Variants in LRP1B observed in about 807,000 individuals in gnomAD.
The protein encoded by LRP1B is low-density lipoprotein receptor-related protein 1B.
LRP1B carries 217 observed loss-of-function variants against 556.6 expected under a neutral mutation model. That is an observed-to-expected ratio of 0.39 (90% CI 0.35 to 0.44). The LOEUF (loss-of-function observed/expected upper bound fraction) is 0.44, where lower values mean the gene tolerates loss of function less well. LRP1B is among the 20% of genes least tolerant of loss of function. The probability of loss-of-function intolerance (pLI) is 1.00; values close to 1 mark genes in which losing one functional copy is unlikely to be tolerated. For synonymous variants in LRP1B, 2,047 were observed against 1,865.8 expected (o/e 1.10, Z -2.50); for missense variants, 5,053 against 5,620.8 (o/e 0.90, Z 3.23).
intron 56 of LRP1B, among the ~76,000 whole-genome samples, chr2:140,494,691 A>C (rs968025571): frequency 5.3e-5 from 8 of 152,030 alleles, no homozygotes; most frequent in African/African-American, 1.7e-4. Flanking sequence ...TGGAATGAAA[A>C]ATTGAAAGGA....
intron 23 of LRP1B, among the ~76,000 whole-genome samples, chr2:140,899,407 G>A (rs1694039973): frequency 6.6e-6 from 1 of 152,140 alleles, no homozygotes; most frequent in Non-Finnish European, 1.5e-5. Flanking sequence ...GAAACCAGTA[G>A]CTAGCTGCTA....
At chr2:141,728,131 A>C (rs180889345) in intron 2 of LRP1B, among the ~76,000 whole-genome samples, 128 of 152,310 alleles carry the variant, frequency 8.4e-4, no homozygotes, top group Non-Finnish European at 1.5e-3. Flanking sequence ...AAAATAAGGA[A>C]GAGGAACTTG....
chr2:140,584,636 A>G (rs775725714), intron 43 of LRP1B, among the ~76,000 whole-genome samples: 16 of 152,074 alleles, frequency 1.1e-4, no homozygotes, highest in Non-Finnish European at 2.2e-4. Flanking sequence ...CTAGATACTG[A>G]CCATTATTCT....
chr2:140,480,425 A>G (rs1688182834), intron 59 of LRP1B, among the ~76,000 whole-genome samples: 1 of 152,116 alleles, frequency 6.6e-6, no homozygotes, highest in Non-Finnish European at 1.5e-5. Flanking sequence ...AATTCAAAAC[A>G]TGACCTACTA....
Position 142,001,064 on chromosome 2 carries a change from G to A in LRP1B, c.82+129584C>T, listed in dbSNP as rs552025894. 9.2e-5 allele frequency among the ~76,000 whole-genome samples: 14 copies of A among 152,176 alleles called. No individual in the cohort carries two copies. In the South Asian group the frequency reaches 2.9e-3, roughly 32 times the overall value. On this transcript the variant is annotated intron_variant, in intron 1 of 90. Coordinates refer to ENST00000389484, the MANE Select transcript of LRP1B (RefSeq NM_018557.3). ...TATAAAGGGTTTCCCCTTTTGCTTGGCTCTTGTTCTCTCTTGCCTGCCTAC... is the reference window on the plus strand; with the variant it reads ...TATAAAGGGTTTCCCCTTTTGCTTGACTCTTGTTCTCTCTTGCCTGCCTAC...
chr2:141,165,309 G>C (rs373904604), intron 7 of LRP1B, among the ~76,000 whole-genome samples: 11 of 150,018 alleles, frequency 7.3e-5, no homozygotes, highest in African/African-American at 2.7e-4. Context: ...CAATATACTA[G>C]GTTGCACTTC....
chr2:140,689,150 A>G (rs1686152175), intron 41 of LRP1B, among the ~76,000 whole-genome samples: 1 of 152,232 alleles, frequency 6.6e-6, no homozygotes, highest in Admixed American at 6.5e-5. Flanking sequence ...TTCATATTCT[A>G]TATATGAGTC....
intron 3 of LRP1B, among the ~76,000 whole-genome samples, chr2:141,341,533 A>G (rs1233182031): frequency 6.6e-6 from 1 of 152,172 alleles, no homozygotes; most frequent in East Asian, 1.9e-4. Flanking sequence ...TCAATTTAAT[A>G]CACTTCTCTT....
intron 58 of LRP1B, among the ~76,000 whole-genome samples, chr2:140,487,313 G>A (rs1174487643): frequency 2.0e-5 from 3 of 151,896 alleles, no homozygotes; most frequent in African/African-American, 7.2e-5. Flanking sequence ...GAATTGAATT[G>A]CAGGCACTAA....
chr2:142,078,740 GT>G (rs1208538652), intron 1 of LRP1B, among the ~76,000 whole-genome samples: 1 of 152,068 alleles, frequency 6.6e-6, no homozygotes, highest in East Asian at 1.9e-4. Flanking sequence ...GGAATCCACT[GT>G]TTTGTATAAC....
intron 5 of LRP1B, among the ~76,000 whole-genome samples, chr2:141,242,330 C>T (rs560181604): frequency 2.0e-5 from 3 of 152,094 alleles, no homozygotes; most frequent in South Asian, 4.2e-4. Context: ...ATGTTAAATC[C>T]CCCTAGAGTT....
chr2:141,846,963 T>C (rs1558914781), intron 1 of LRP1B, among the ~76,000 whole-genome samples: 2 of 151,514 alleles, frequency 1.3e-5, no homozygotes, highest in South Asian at 2.1e-4. Flanking sequence ...GTTCCTATGC[T>C]ACTCAAGAGT....
intron 1 of LRP1B, among the ~76,000 whole-genome samples, chr2:142,053,303 T>G (rs965149882): frequency 3.9e-5 from 6 of 152,166 alleles, no homozygotes; most frequent in African/African-American, 1.4e-4. Flanking sequence ...TCATTTTGTT[T>G]GGCTCAGCAT....
At chr2:140,378,388 G>C in intron 67 of LRP1B, 102 bp from the exon 68 acceptor site, 1 of 624,802 alleles carries the variant, frequency 1.6e-6, no homozygotes, top group Non-Finnish European at 2.8e-6. Flanking sequence ...AAAAAAAAGA[G>C]GTTAGTCAGA....
intron 41 of LRP1B, among the ~76,000 whole-genome samples, chr2:140,606,628 T>C (rs1429281288): frequency 6.6e-6 from 1 of 151,940 alleles, no homozygotes. Context: ...AAGTTTATAG[T>C]AATAAAGAGA....
At chr2:141,742,255 C>CTTT (rs34084336) in intron 2 of LRP1B, among the ~76,000 whole-genome samples, 1 of 122,740 alleles carries the variant, frequency 8.1e-6, no homozygotes, top group Non-Finnish European at 1.6e-5. Context: ...TTCTTTCTTT[C>CTTT]TTTTTTTTTT....
At chr2:141,631,179 A>G (rs1688893239) in intron 2 of LRP1B, among the ~76,000 whole-genome samples, 1 of 152,138 alleles carries the variant, frequency 6.6e-6, no homozygotes, top group African/African-American at 2.4e-5. Flanking sequence ...CAAAAAGGGG[A>G]AAAGCCCCTT....
At chr2:141,929,124 G>A (rs1241330075) in intron 1 of LRP1B, among the ~76,000 whole-genome samples, 1 of 151,990 alleles carries the variant, frequency 6.6e-6, no homozygotes, top group African/African-American at 2.4e-5. Context: ...GTTAGCAGAA[G>A]ATTTAAAGGT....
chr2:141,700,258 G>A (rs1439178102), intron 2 of LRP1B, among the ~76,000 whole-genome samples: 3 of 151,854 alleles, frequency 2.0e-5, no homozygotes, highest in Non-Finnish European at 4.4e-5. Flanking sequence ...GTAAAAGCTG[G>A]TATTTGTTTA....
Sources: allele counts gnomAD v4.1 joint callset (sites outside exome capture counted in the v4.1 genomes callset), GRCh38; gene constraint gnomAD v4.1.1; transcripts MANE v1.5; gene names NCBI Gene and HGNC (gene_info 2026-07-23, HGNC 2026-07-21).